Variants in ERICH6B observed in about 807,000 individuals in gnomAD.
ERICH6B encodes glutamate-rich protein 6B.
In ERICH6B, 69 loss-of-function variants were observed where a neutral mutation model predicts 80.0. That is an observed-to-expected ratio of 0.86 (90% CI 0.71 to 1.05). The LOEUF (loss-of-function observed/expected upper bound fraction) is 1.05, where lower values mean the gene tolerates loss of function less well. ERICH6B is among the 50% of genes least tolerant of loss of function. The pLI is 0.00. For synonymous variants in ERICH6B, 283 were observed against 291.9 expected, an observed-to-expected ratio of 0.97 and a Z score of 0.31; for missense variants, 754 against 796.1, an observed-to-expected ratio of 0.95 and a Z score of 0.64.
chr13:45,575,335 G>A (rs1348140016), intron 7 of ERICH6B, among the ~76,000 whole-genome samples: 1 of 152,178 alleles, frequency 6.6e-6, no homozygotes, highest in South Asian at 2.1e-4. Context: ...GTGTGGGAGG[G>A]GCATGTTTGA....
chr13:45,606,533 ATATATATATATATATTTTTTT>A (rs1566307820), intron 2 of ERICH6B, among the ~76,000 whole-genome samples: 2,935 of 29,222 alleles, frequency 0.1, 39 homozygotes, highest in Non-Finnish European at 0.12. Context: ...ATATATATAT[ATATATATATATATATTTTTTT>A]TTTTTTTTTT....
chr13:45,568,254 G>C (rs1875003646), intron 9 of ERICH6B, 61 bp downstream of exon 9: 3 of 1,455,134 alleles, frequency 2.1e-6, no homozygotes, highest in East Asian at 2.6e-5. Flanking sequence ...CACTTTCCCT[G>C]CTGCCACCTC....
intron 2 of ERICH6B, among the ~76,000 whole-genome samples, chr13:45,601,933 G>A (rs1949829906): frequency 6.6e-6 from 1 of 152,218 alleles, no homozygotes; most frequent in Non-Finnish European, 1.5e-5. Context: ...GGCATAAGGA[G>A]TGTCAGGCAC....
chr13:45,550,658 C>A (rs1874183342), intron 11 of ERICH6B, among the ~76,000 whole-genome samples: 1 of 152,148 alleles, frequency 6.6e-6, no homozygotes. Flanking sequence ...AGTCTGAAAT[C>A]AAAGGGTCCC....
chr13:45,542,962 A>C (rs1038746625), intron 14 of ERICH6B, among the ~76,000 whole-genome samples: 3 of 152,156 alleles, frequency 2.0e-5, no homozygotes, highest in Non-Finnish European at 4.4e-5. Context: ...CTCTTCTCAG[A>C]TACTCTGCAC....
chr13:45,605,095 G>A (rs974156167), intron 2 of ERICH6B, among the ~76,000 whole-genome samples: 2 of 151,976 alleles, frequency 1.3e-5, no homozygotes, highest in African/African-American at 2.4e-5. Flanking sequence ...TTCTCCCGAG[G>A]CCCCTCCCCC....
chr13:45,595,285 A>G (rs533226461), intron 3 of ERICH6B, among the ~76,000 whole-genome samples: 4 of 152,244 alleles, frequency 2.6e-5, no homozygotes, highest in Non-Finnish European at 4.4e-5. Context: ...TAGGAGATTG[A>G]TTAAAAATAT....
rs1043128239 is a variant in ERICH6B, at chr13:45,586,148, G to T, written c.856+915C>A. Reference sequence around the variant, plus strand: ...GCACACACGCTGAAAAAGGTCCCCAGTGAACCGATGTAGCCTGTGAAACAC... The same window carrying T: ...GCACACACGCTGAAAAAGGTCCCCATTGAACCGATGTAGCCTGTGAAACAC... On this transcript the variant is annotated intron_variant, in intron 5 of 14. Coordinates refer to ENST00000298738, the MANE Select transcript of ERICH6B (RefSeq NM_182542.3). 2.4e-4 allele frequency among the ~76,000 whole-genome samples: 36 copies of T among 152,248 alleles called. 1 individual carries two copies. Among genetic ancestry groups the T allele is most frequent in the Admixed American group, 5.9e-4 (9 of 15,304 alleles).
In ERICH6B at chr13:45,550,008, C is replaced by T. The variant is rs1381791631; in HGVS notation, c.1531G>A (p.Ala511Thr). 1 of 1,551,938 alleles carries T rather than the reference C, an allele frequency of 6.4e-7. No individual in the cohort carries two copies. The highest frequency in any genetic ancestry group is 8.7e-7 in the Non-Finnish European group (1 of 1,147,084). The change falls in exon 13 of 15, where the codon GCG becomes ACG. Residue 511 changes from alanine to threonine, a missense_variant. Physicochemically the swap from Ala to Thr is moderately conservative, Grantham distance 58. Coordinates refer to ENST00000298738, the MANE Select transcript of ERICH6B (RefSeq NM_182542.3). ...ATGTATGTGAACTTTTTCATTTTCG[C>T]ATATAAGATGAGCATAGCCAGGTTT... ...SGNLAMLILYAKMKKFTYIIL... is the reference protein window; with the variant it reads ...SGNLAMLILYTKMKKFTYIIL...
chr13:45,614,101 A>T (rs1282452436), intron 1 of ERICH6B, among the ~76,000 whole-genome samples: 1 of 151,214 alleles, frequency 6.6e-6, no homozygotes. Context: ...CCAACCAGAG[A>T]CCTCAATATA....
chr13:45,563,904 G>A (rs1373825446), intron 9 of ERICH6B, 116 bp from the exon 10 acceptor site: 3 of 824,688 alleles, frequency 3.6e-6, no homozygotes, highest in Non-Finnish European at 5.8e-6. Context: ...GTGGAAATGG[G>A]GCCAATGGCT....
chr13:45,561,277 C>T (rs760226832), intron 11 of ERICH6B, 92 bp downstream of exon 11: 2 of 1,286,882 alleles, frequency 1.6e-6, no homozygotes, highest in Admixed American at 2.7e-5. Context: ...GTGTGTTGTT[C>T]CTTACAGCTC....
chr13:45,551,486 C>G (rs1034186918), intron 11 of ERICH6B: 6 of 152,182 alleles, frequency 3.9e-5, no homozygotes, highest in Admixed American at 3.9e-4. Flanking sequence ...TAAAAGAAAG[C>G]CCCCTGGCAC....
At chr13:45,551,335 G>A (rs987589063) in intron 11 of ERICH6B, 2 of 151,836 alleles carry the variant, frequency 1.3e-5, no homozygotes, top group Non-Finnish European at 2.9e-5. Flanking sequence ...ACTTTCTGTG[G>A]GTTTTCTATG....
chr13:45,615,374 G>A (rs768528292), intron 1 of ERICH6B, among the ~76,000 whole-genome samples: 1 of 152,210 alleles, frequency 6.6e-6, no homozygotes, highest in South Asian at 2.1e-4. Flanking sequence ...AGAGCTAGGG[G>A]CTCTCTGGAG....
intron 7 of ERICH6B, among the ~76,000 whole-genome samples, chr13:45,578,927 G>A (rs919837152): frequency 1.3e-4 from 20 of 152,196 alleles, no homozygotes; most frequent in African/African-American, 3.4e-4. Context: ...GCATGCACCC[G>A]TGGTCCCAGC....
intron 11 of ERICH6B, among the ~76,000 whole-genome samples, chr13:45,557,722 T>C: frequency 6.6e-6 from 1 of 152,218 alleles, no homozygotes; most frequent in East Asian, 1.9e-4. Context: ...GTTTGCTTTG[T>C]CAAAGATCAG....
chr13:45,586,957 A>T, intron 5 of ERICH6B, 106 bp downstream of exon 5: 1 of 1,211,088 alleles, frequency 8.3e-7, no homozygotes, highest in Non-Finnish European at 1.1e-6. Flanking sequence ...TATCATTAGC[A>T]TGAAAGGCAA....
rs138892641 is a variant in ERICH6B, at chr13:45,565,575, C to T, written c.1188-1787G>A. Among the ~76,000 whole-genome samples the T allele has an allele frequency of 7.6e-3, 1,165 of 152,290 alleles. 14 individuals are homozygous for T. The highest frequency in any genetic ancestry group is 0.026 in the African/African-American group (1,086 of 41,544). On this transcript the variant is annotated intron_variant, in intron 9 of 14. Coordinates refer to ENST00000298738, the MANE Select transcript of ERICH6B (RefSeq NM_182542.3). The stretch of plus-strand genomic sequence containing the variant: ...GAACCATGGGGGCATCTTTTCCATG[C>T]TGTTCTTGTGATAGTGAAAAAGTCT...
Sources: allele counts gnomAD v4.1 joint callset (sites outside exome capture counted in the v4.1 genomes callset), GRCh38; gene constraint gnomAD v4.1.1; transcripts MANE v1.5; gene names NCBI Gene and HGNC (gene_info 2026-07-23, HGNC 2026-07-21).